The following EXOC6B variants were observed in gnomAD, a reference collection of about 807,000 sequenced individuals.
EXOC6B encodes the protein SEC15 homolog B.
A neutral mutation model predicts 113.5 loss-of-function variants in EXOC6B; 54 were observed. The ratio of observed to expected loss-of-function variants is 0.48; its 90% CI spans 0.38 to 0.60. The LOEUF (loss-of-function observed/expected upper bound fraction) is 0.60. Among genes scored for constraint, EXOC6B ranks in the 20% least tolerant of loss-of-function variants. EXOC6B has a pLI of 0.00. For synonymous variants in EXOC6B, 357 were observed against 339.0 expected (o/e 1.05, Z -0.58); for missense variants, 797 against 977.5 (o/e 0.82, Z 2.46).
intron 1 of EXOC6B, among the ~76,000 whole-genome samples, chr2:72,752,581 C>T (rs1437151414): frequency 6.7e-6 from 1 of 150,214 alleles, no homozygotes; most frequent in African/African-American, 2.5e-5. Flanking sequence ...CCCTCCTTCC[C>T]TCTTCCCTCC....
intron 2 of EXOC6B, among the ~76,000 whole-genome samples, chr2:72,736,775 G>A (rs551755660): frequency 6.6e-6 from 1 of 152,294 alleles, no homozygotes; most frequent in East Asian, 1.9e-4. Context: ...AAAACATTGT[G>A]CTGACTATCA....
chr2:72,688,825 C>G (rs1677280901), intron 6 of EXOC6B, among the ~76,000 whole-genome samples: 1 of 152,090 alleles, frequency 6.6e-6, no homozygotes, highest in Admixed American at 6.5e-5. Flanking sequence ...AAGCTAATAC[C>G]TAGTAGTAAA....
At chr2:72,604,846 C>T (rs1251894386) in intron 6 of EXOC6B, among the ~76,000 whole-genome samples, 1 of 152,074 alleles carries the variant, frequency 6.6e-6, no homozygotes, top group African/African-American at 2.4e-5. Context: ...TTATTTCTTC[C>T]CCATTACTGA....
intron 17 of EXOC6B, among the ~76,000 whole-genome samples, chr2:72,466,842 T>C (rs1422178659): frequency 6.6e-6 from 1 of 152,188 alleles, no homozygotes; most frequent in East Asian, 1.9e-4. Flanking sequence ...ACATACTTAT[T>C]TTATGAGGTA....
At chr2:72,498,607 T>C in intron 12 of EXOC6B, 56 bp from the exon 13 acceptor site, 1 of 427,436 alleles carries the variant, frequency 2.3e-6, no homozygotes, top group Non-Finnish European at 3.3e-6. Flanking sequence ...TTTTTTTCGG[T>C]TTTTTTTTTT....
chr2:72,460,743 C>A (rs553476513), intron 18 of EXOC6B, among the ~76,000 whole-genome samples: 36 of 152,210 alleles, frequency 2.4e-4, no homozygotes, highest in Admixed American at 8.5e-4. Flanking sequence ...AATAGGAACA[C>A]TTTTACACTG....
intron 20 of EXOC6B, among the ~76,000 whole-genome samples, chr2:72,220,983 T>G (rs968901387): frequency 9.2e-5 from 14 of 152,212 alleles, no homozygotes; most frequent in Non-Finnish European, 1.3e-4. Flanking sequence ...CTAGAAACAT[T>G]CAAGTTATTC....
rs925896923 is a variant in EXOC6B, at chr2:72,354,294, T to C, written c.2123-19274A>G. ...AAGTTCATTTGTGAATTATGATCTT[T>C]CATGTAGTAGATCCTTTGTACTCCC... is the stretch of plus-strand genomic sequence containing the variant. On this transcript the variant is annotated intron_variant, in intron 19 of 21. Coordinates refer to ENST00000272427, the MANE Select transcript of EXOC6B (RefSeq NM_015189.3). The C allele has an allele frequency of 3.5e-4, 53 of 152,232 alleles. 1 individual carries two copies. The highest frequency in any genetic ancestry group is 1.2e-3 in the African/African-American group (51 of 41,454). 9.4% of individuals were successfully genotyped at this position (152,232 alleles called of 1,614,324 possible).
Position 72,643,055 on chromosome 2 carries a change from A to G in EXOC6B, c.670-67387T>C, listed in dbSNP as rs995702314. On this transcript the variant is annotated intron_variant, in intron 6 of 21. Coordinates refer to ENST00000272427, the MANE Select transcript of EXOC6B (RefSeq NM_015189.3). ...CACCAGAGAAATGCAAATCAAAACC[A>G]CAATGAGATACCATCTCACACCAGT... Among the ~76,000 whole-genome samples, 350 of 152,264 alleles carry G rather than the reference A, an allele frequency of 2.3e-3. 2 individuals carry two copies. The highest frequency in any genetic ancestry group is 7.3e-3 in the African/African-American group (304 of 41,558).
chr2:72,262,276 T>C (rs1188356740), intron 20 of EXOC6B, among the ~76,000 whole-genome samples: 1 of 151,752 alleles, frequency 6.6e-6, no homozygotes, highest in Non-Finnish European at 1.5e-5. Context: ...GTAACCTCTC[T>C]GTGTAAAGAA....
chr2:72,750,623 A>G (rs75721385), intron 1 of EXOC6B, among the ~76,000 whole-genome samples: 10,260 of 152,224 alleles, frequency 0.067, 1,173 homozygotes, highest in African/African-American at 0.23. Flanking sequence ...ATCTGGTGTT[A>G]GCTCTGGGTG....
chr2:72,322,159 G>A (rs981755259), intron 20 of EXOC6B, among the ~76,000 whole-genome samples: 7 of 151,814 alleles, frequency 4.6e-5, no homozygotes, highest in Non-Finnish European at 8.8e-5. Flanking sequence ...AGCCCAAACT[G>A]GAAAGAACAA....
intron 20 of EXOC6B, among the ~76,000 whole-genome samples, chr2:72,190,240 G>T (rs1436698805): frequency 6.6e-6 from 1 of 152,052 alleles, no homozygotes; most frequent in African/African-American, 2.4e-5. Flanking sequence ...GTCTTGCTAT[G>T]TTGCCCAGGC....
intron 1 of EXOC6B, among the ~76,000 whole-genome samples, chr2:72,767,280 A>C (rs1386813090): frequency 6.6e-6 from 1 of 151,782 alleles, no homozygotes; most frequent in East Asian, 2.0e-4. Flanking sequence ...AAATACAAAA[A>C]ATTAGCAGGG....
intron 18 of EXOC6B, among the ~76,000 whole-genome samples, chr2:72,459,597 C>T (rs941569482): frequency 6.6e-6 from 1 of 152,132 alleles, no homozygotes; most frequent in Non-Finnish European, 1.5e-5. Flanking sequence ...AGTGAACTCT[C>T]ATTCACAATT....
intron 6 of EXOC6B, among the ~76,000 whole-genome samples, chr2:72,669,752 G>A (rs1378999544): frequency 6.6e-6 from 1 of 152,176 alleles, no homozygotes; most frequent in Non-Finnish European, 1.5e-5. Context: ...AATTAGTATG[G>A]TAGCCAGGCA....
intron 1 of EXOC6B, among the ~76,000 whole-genome samples, chr2:72,752,409 C>A (rs1244678969): frequency 6.6e-6 from 1 of 152,068 alleles, no homozygotes; most frequent in Non-Finnish European, 1.5e-5. Flanking sequence ...TGGGGGGAAG[C>A]TGATTTCTTT....
chr2:72,427,414 G>C (rs1333845501), intron 18 of EXOC6B, among the ~76,000 whole-genome samples: 1 of 152,180 alleles, frequency 6.6e-6, no homozygotes, highest in East Asian at 1.9e-4. Context: ...GCAGCCTCAG[G>C]GGTGTCTGCT....
At chr2:72,499,598 G>C (rs1700216672) in intron 12 of EXOC6B, among the ~76,000 whole-genome samples, 1 of 150,278 alleles carries the variant, frequency 6.7e-6, no homozygotes, top group South Asian at 2.1e-4. Context: ...CGAGATCATA[G>C]CTTGCCACAG....
Sources: gnomAD v4.1 joint callset for allele counts (sites outside exome capture counted in the v4.1 genomes callset) on GRCh38, gnomAD v4.1.1 for gene constraint, MANE v1.5 for transcripts, NCBI Gene and HGNC (gene_info 2026-07-23, HGNC 2026-07-21) for gene names.